Variants in PLEKHM3 observed in about 807,000 individuals in gnomAD.
PLEKHM3 encodes pleckstrin homology domain containing M3.
In PLEKHM3, 45 loss-of-function variants were observed where a neutral mutation model predicts 81.8. That is an observed-to-expected ratio of 0.55 (90% confidence interval 0.43 to 0.71). PLEKHM3 has a LOEUF of 0.71. Ranked by LOEUF, PLEKHM3 falls within the 30% of genes least tolerant of loss-of-function variation. The pLI is 0.00. For missense variants in PLEKHM3, 788 were observed against 924.3 expected, an observed-to-expected ratio of 0.85 and a Z score of 1.91; for synonymous variants, 352 against 356.4, an observed-to-expected ratio of 0.99 and a Z score of 0.14.
chr2:207,866,586 T>C (rs1420852083), intron 6 of PLEKHM3, among the ~76,000 whole-genome samples: 2 of 152,246 alleles, frequency 1.3e-5, no homozygotes, highest in East Asian at 1.9e-4. Flanking sequence ...TTGCCTGGTA[T>C]GCAAGTGGAT....
At chr2:207,828,538 C>T (rs755079794) in intron 7 of PLEKHM3, 42 bp from the exon 8 acceptor site, 2 of 1,578,744 alleles carry the variant, frequency 1.3e-6, no homozygotes. Context: ...AGACTGAAGC[C>T]AGCAAGACAC....
intron 6 of PLEKHM3, chr2:207,901,255 C>A: frequency 1.4e-6 from 1 of 702,992 alleles, no homozygotes; most frequent in Non-Finnish European, 2.6e-6. Context: ...CCGAGCTCCC[C>A]CGATCCTTCA....
At chr2:207,952,487 A>G (rs1690361153) in intron 3 of PLEKHM3, among the ~76,000 whole-genome samples, 1 of 152,222 alleles carries the variant, frequency 6.6e-6, no homozygotes, top group African/African-American at 2.4e-5. Context: ...GTCATAAATA[A>G]CTTAGCTTTC....
intron 3 of PLEKHM3, among the ~76,000 whole-genome samples, chr2:207,974,099 CG>C (rs1691220535): frequency 6.6e-6 from 1 of 152,172 alleles, no homozygotes; most frequent in Non-Finnish European, 1.5e-5. Flanking sequence ...AGCCAAATTT[CG>C]TGAGCACAAA....
intron 7 of PLEKHM3, among the ~76,000 whole-genome samples, chr2:207,835,654 C>T (rs1382268189): frequency 6.6e-6 from 1 of 152,106 alleles, no homozygotes; most frequent in African/African-American, 2.4e-5. Flanking sequence ...CTTTTTATTT[C>T]ATTTATTTGC....
chr2:207,931,138 C>T lies in PLEKHM3; in HGVS notation c.1693-19G>A. 6.3e-7 allele frequency: 1 copy of T among 1,593,310 alleles called. No individual in the cohort carries two copies. Among genetic ancestry groups the T allele is most frequent in the South Asian group, 1.1e-5 (1 of 89,130 alleles). ...TCGACACCTACAAAACAAGCGTCGT[C>T]AGTCAGTCCTGGAGAAGCACCTGGC... On this transcript the variant is annotated intron_variant, in intron 4 of 7. Coordinates refer to ENST00000427836, the MANE Select transcript of PLEKHM3 (RefSeq NM_001080475.3).
intron 3 of PLEKHM3, among the ~76,000 whole-genome samples, chr2:207,950,180 C>CT (rs1223515240): frequency 6.6e-6 from 1 of 152,178 alleles, no homozygotes; most frequent in African/African-American, 2.4e-5. Flanking sequence ...GGTGTCTTTA[C>CT]TTTCATACTT....
chr2:207,858,174 G>GTGTA (rs373920637), intron 7 of PLEKHM3, among the ~76,000 whole-genome samples: 2,325 of 123,208 alleles, frequency 0.019, 30 homozygotes, highest in Non-Finnish European at 0.024. Context: ...GTGTGTGTGT[G>GTGTA]TATATATTTT....
At position 208,025,526 on chromosome 2, in the gene PLEKHM3, A is replaced by C. The variant is rs1693303537; in HGVS notation, c.-456T>G. ...TGACCATCCCGGCCCGGCTCTGTTT[A>C]CAAGCGGCTTCTCGCGGTCCCACTC... is the stretch of plus-strand genomic sequence containing the variant. On this transcript the variant is annotated 5_prime_UTR_variant, in exon 1 of 8. Coordinates refer to ENST00000427836, the MANE Select transcript of PLEKHM3 (RefSeq NM_001080475.3). The C allele has an allele frequency of 6.6e-6, 1 of 152,304 alleles. No homozygotes were observed. Among genetic ancestry groups the C allele is most frequent in the African/African-American group, 2.4e-5 (1 of 41,448 alleles). The allele number at this position is 152,304 out of a possible 1,614,324, so 9.4% of individuals were successfully genotyped here. A position where few individuals can be genotyped will look rare whatever the true frequency, so the allele number is the denominator to read the frequency against.
intron 3 of PLEKHM3, among the ~76,000 whole-genome samples, chr2:207,972,009 G>A (rs148000031): frequency 2.0e-5 from 3 of 152,308 alleles, no homozygotes; most frequent in East Asian, 1.9e-4. Flanking sequence ...ATGCATGGGC[G>A]TCACATCTGT....
At chr2:207,865,861 C>T (rs1408724806) in intron 6 of PLEKHM3, among the ~76,000 whole-genome samples, 1 of 114,718 alleles carries the variant, frequency 8.7e-6, no homozygotes, top group Non-Finnish European at 1.7e-5. Flanking sequence ...ATAGATTTGC[C>T]TATTCTGGAG....
At chr2:207,900,906 G>A (rs781240282) in intron 6 of PLEKHM3, 5 of 206,820 alleles carry the variant, frequency 2.4e-5, no homozygotes, top group Admixed American at 1.2e-4. Flanking sequence ...CCCTCACTTC[G>A]TCAGTATTAT....
chr2:208,020,788 T>TG (rs1693103582), intron 1 of PLEKHM3, among the ~76,000 whole-genome samples: 1 of 152,244 alleles, frequency 6.6e-6, no homozygotes, highest in African/African-American at 2.4e-5. Context: ...AATCAGCCTT[T>TG]GGCCAGCAAC....
rs1050328551 is a variant in PLEKHM3 at position 208,001,468 on chromosome 2, C to G, written c.172G>C (p.Gly58Arg). ...AGGGAGGTGACATTTCTCATAGCAC[C>G]ATTGTCTGTTATGTTACTGAGTACC... The part of the protein sequence containing the change: ...HEVLSNITDN[G>R]AMRNVTSLGK... The change falls in exon 2 of 8, where the codon GGT (glycine) becomes CGT (arginine). Residue 58 changes from glycine (G) to arginine (R), a missense_variant. Transcript: ENST00000427836. 1.9e-6 allele frequency: 3 copies of G among 1,614,058 alleles called. No homozygotes were observed. The highest frequency in any genetic ancestry group is 2.7e-5 in the African/African-American group (2 of 74,906).
At chr2:208,019,080 G>A (rs1002066716) in intron 1 of PLEKHM3, among the ~76,000 whole-genome samples, 2 of 151,910 alleles carry the variant, frequency 1.3e-5, no homozygotes, top group African/African-American at 4.8e-5. Flanking sequence ...TGGGAGGACT[G>A]CTGGAGGCTA....
At chr2:207,874,347 G>C (rs939793074) in intron 6 of PLEKHM3, among the ~76,000 whole-genome samples, 1 of 152,118 alleles carries the variant, frequency 6.6e-6, no homozygotes, top group African/African-American at 2.4e-5. Context: ...GGCCGAGGTG[G>C]GCGGATCACC....
intron 5 of PLEKHM3, among the ~76,000 whole-genome samples, chr2:207,915,098 C>G (rs1043557016): frequency 2.6e-5 from 4 of 152,198 alleles, no homozygotes; most frequent in Non-Finnish European, 5.9e-5. Flanking sequence ...TGAAAACCAA[C>G]TAGCACAATC....
intron 3 of PLEKHM3, among the ~76,000 whole-genome samples, chr2:207,965,094 T>C (rs759326167): frequency 2.0e-5 from 3 of 152,304 alleles, no homozygotes; most frequent in Admixed American, 6.5e-5. Context: ...CTTTTATTCT[T>C]AGGTCCATGA....
chr2:207,875,105 T>C (rs577108093), intron 6 of PLEKHM3, among the ~76,000 whole-genome samples: 1 of 151,946 alleles, frequency 6.6e-6, no homozygotes, highest in South Asian at 2.1e-4. Context: ...TAGTTCAATA[T>C]AAAATATCAT....
Sources: allele counts gnomAD v4.1 joint callset (sites outside exome capture counted in the v4.1 genomes callset), GRCh38; gene constraint gnomAD v4.1.1; transcripts MANE v1.5; gene names NCBI Gene and HGNC (gene_info 2026-07-23, HGNC 2026-07-21).